The following RAMP1 variants were observed in gnomAD, a reference collection of about 807,000 sequenced individuals.
The protein encoded by RAMP1 is receptor activity modifying protein 1.
Under a neutral mutation model 8.2 loss-of-function variants are expected in RAMP1, and 7 were observed. The observed-to-expected ratio is 0.85, with a 90% CI of 0.49 to 1.60. The LOEUF is 1.60. Ranked by LOEUF, RAMP1 falls within the 40% of genes most tolerant of loss-of-function variation. The pLI, the probability that RAMP1 is intolerant of heterozygous loss-of-function variation, is 0.00. For synonymous variants in RAMP1, 92 were observed against 84.7 expected, an observed-to-expected ratio of 1.09 and a Z score of -0.47; for missense variants, 192 against 202.4, an observed-to-expected ratio of 0.95 and a Z score of 0.31.
At chr2:237,888,700 A>G (rs2062459879) in intron 2 of RAMP1, among the ~76,000 whole-genome samples, 1 of 152,090 alleles carries the variant, frequency 6.6e-6, no homozygotes, top group Non-Finnish European at 1.5e-5. Context: ...TCACAGCAAA[A>G]TTGAGAGGAA....
intron 2 of RAMP1, among the ~76,000 whole-genome samples, chr2:237,893,377 T>C (rs1170663192): frequency 1.3e-5 from 2 of 152,218 alleles, no homozygotes; most frequent in Admixed American, 1.3e-4. Context: ...TGCAGAAGCT[T>C]TGGTGTGCAG....
At chr2:237,886,281 G>A (rs143461580) in intron 2 of RAMP1, among the ~76,000 whole-genome samples, 28 of 152,314 alleles carry the variant, frequency 1.8e-4, no homozygotes, top group East Asian at 5.8e-4. Flanking sequence ...TGCAGGGAGC[G>A]CCTTCTGCTG....
At position 237,878,443 on chromosome 2, in the gene RAMP1, C is replaced by T. The variant is rs1313994382; in HGVS notation, c.191+1081C>T. 1.3e-5 allele frequency among the ~76,000 whole-genome samples: 2 copies of T among 152,244 alleles called. No individual in the cohort carries two copies. The highest frequency in any genetic ancestry group is 6.5e-5 in the Admixed American group (1 of 15,290). On this transcript the variant is annotated intron_variant, in intron 2 of 2. Coordinates refer to ENST00000254661, the MANE Select transcript of RAMP1 (RefSeq NM_005855.4). The surrounding 1 kb of genome is among the most constrained non-coding windows in gnomAD (Gnocchi z 5.7). ...GGGGTTGAAGACCCCTAGTTGGACTCGTCACCCCTCCCCTGTGGGTTGCAG... is the reference window on the plus strand; with the variant it reads ...GGGGTTGAAGACCCCTAGTTGGACTTGTCACCCCTCCCCTGTGGGTTGCAG...
At chr2:237,907,593 G>C (rs1366420891) in intron 2 of RAMP1, among the ~76,000 whole-genome samples, 3 of 152,000 alleles carry the variant, frequency 2.0e-5, no homozygotes, top group Non-Finnish European at 4.4e-5. Context: ...CGTGTCTGCT[G>C]ATGGGCCCAT....
Position 237,877,895 on chromosome 2 carries a change from A to C in RAMP1, c.191+533A>C. 3 of 935,430 alleles carry C rather than the reference A, an allele frequency of 3.2e-6. No individual in the cohort carries two copies. The highest frequency in any genetic ancestry group is 3.8e-6 in the Non-Finnish European group (3 of 784,482). 57.9% of individuals were successfully genotyped at this position (935,430 alleles called of 1,614,324 possible). A position where few individuals can be genotyped will look rare whatever the true frequency, so the allele number is the denominator to read the frequency against. On this transcript the variant is annotated intron_variant, in intron 2 of 2. Transcript: ENST00000254661. This position sits in a 1 kb window ranked among gnomAD's most constrained non-coding sequence, Gnocchi z 4.4. ...CCCACCTGGCCCGATCCTCCTGCCCAAGGGCCCTTCTTCCCGCTTGAGGGG... is the reference window on the plus strand; with the variant it reads ...CCCACCTGGCCCGATCCTCCTGCCCCAGGGCCCTTCTTCCCGCTTGAGGGG...
At chr2:237,888,736 T>C (rs1224580492) in intron 2 of RAMP1, among the ~76,000 whole-genome samples, 3 of 152,172 alleles carry the variant, frequency 2.0e-5, no homozygotes, top group Non-Finnish European at 2.9e-5. Flanking sequence ...CATATGCCCA[T>C]TGGAGGTATT....
At chr2:237,900,830 A>G (rs2062589867) in intron 2 of RAMP1, among the ~76,000 whole-genome samples, 1 of 151,944 alleles carries the variant, frequency 6.6e-6, no homozygotes, top group Non-Finnish European at 1.5e-5. Context: ...TTGACTTATG[A>G]TTTATACTCT....
At position 237,911,788 on chromosome 2, in the gene RAMP1, G is replaced by GGCCCAGGCTGCCCGCGGGTGC; in HGVS notation, c.*6_*26dup. 1 of 1,594,702 alleles carries GGCCCAGGCTGCCCGCGGGTGC rather than the reference G, an allele frequency of 6.3e-7. No homozygotes were observed. The highest frequency in any genetic ancestry group is 8.6e-7 in the Non-Finnish European group (1 of 1,169,528). On this transcript the variant is annotated 3_prime_UTR_variant, in exon 3 of 3. Coordinates refer to ENST00000254661, the MANE Select transcript of RAMP1 (RefSeq NM_005855.4). ...CGCACTGAGGGCATTGTGTAGGCGG[G>GGCCCAGGCTGCCCGCGGGTGC]GCCCAGGCTGCCCGCGGGTGCACCC...
chr2:237,906,736 T>TA (rs2062654929), intron 2 of RAMP1, among the ~76,000 whole-genome samples: 1 of 147,998 alleles, frequency 6.8e-6, no homozygotes, highest in Admixed American at 6.7e-5. Context: ...TTTTTTTTTT[T>TA]TTTTTAAAGA....
intron 2 of RAMP1, among the ~76,000 whole-genome samples, chr2:237,891,888 T>C (rs1273080843): frequency 6.6e-6 from 1 of 152,216 alleles, no homozygotes; most frequent in East Asian, 1.9e-4. Flanking sequence ...GCTCTGTCTT[T>C]ATGGCATTTA....
chr2:237,908,696 A>G (rs568049008), intron 2 of RAMP1, among the ~76,000 whole-genome samples: 1 of 152,200 alleles, frequency 6.6e-6, no homozygotes, highest in African/African-American at 2.4e-5. Flanking sequence ...TCAGCCTCCC[A>G]AAGTGCTGGG....
chr2:237,883,836 GAAAAGA>G (rs2062398979), intron 2 of RAMP1, among the ~76,000 whole-genome samples: 1 of 94,002 alleles, frequency 1.1e-5, no homozygotes, highest in African/African-American at 4.0e-5. Flanking sequence ...AAAAAGAAAA[GAAAAGA>G]AAAAAAAAAA....
intron 2 of RAMP1, among the ~76,000 whole-genome samples, chr2:237,894,267 G>A (rs1022777276): frequency 5.3e-5 from 8 of 152,066 alleles, no homozygotes; most frequent in Non-Finnish European, 7.4e-5. Context: ...CACTTCACCC[G>A]GCCTAAAGTA....
chr2:237,864,298 T>C (rs1301144348), intron 1 of RAMP1, among the ~76,000 whole-genome samples: 1 of 150,480 alleles, frequency 6.6e-6, no homozygotes, highest in Non-Finnish European at 1.5e-5. Context: ...GAAAAGTCAG[T>C]GATTTGCCCA....
chr2:237,861,893 C>G (rs2062136190), intron 1 of RAMP1, among the ~76,000 whole-genome samples: 1 of 152,114 alleles, frequency 6.6e-6, no homozygotes, highest in Non-Finnish European at 1.5e-5. Flanking sequence ...GTTCTTTTCC[C>G]TCTGAGCATC....
intron 1 of RAMP1, among the ~76,000 whole-genome samples, chr2:237,871,636 T>C (rs1302812047): frequency 6.6e-6 from 1 of 152,134 alleles, no homozygotes; most frequent in Non-Finnish European, 1.5e-5. Context: ...ACTTCTACCC[T>C]CTGGGACAGT....
intron 2 of RAMP1, among the ~76,000 whole-genome samples, chr2:237,885,721 G>T (rs2062421854): frequency 6.6e-6 from 1 of 152,198 alleles, no homozygotes; most frequent in Non-Finnish European, 1.5e-5. Flanking sequence ...CTCCTGCCGT[G>T]CCCCTCTCTG....
chr2:237,907,785 CTCTGAG>C (rs1196614129), intron 2 of RAMP1, among the ~76,000 whole-genome samples: 1 of 152,230 alleles, frequency 6.6e-6, no homozygotes, highest in African/African-American at 2.4e-5. Context: ...TCTAGGTCGT[CTCTGAG>C]TCTAACTCCA....
Position 237,911,698 on chromosome 2 carries a change from C to CCTT in RAMP1, c.364_366dup (p.Phe122dup), listed in dbSNP as rs763950703. The CCTT allele has an allele frequency of 2.9e-5, 46 of 1,613,886 alleles. No individual in the cohort carries two copies. Among genetic ancestry groups the CCTT allele is most frequent in the Admixed American group, 3.3e-5 (2 of 60,008 alleles). ...GACCCGCCCGGCAGCATCCTCTACCCCTTCATCGTGGTCCCCATCACGGTG... is the reference window on the plus strand; with the variant it reads ...GACCCGCCCGGCAGCATCCTCTACCCCTTCTTCATCGTGGTCCCCATCACGGTG... On this transcript the variant is annotated inframe_insertion, in exon 3 of 3. Transcript: ENST00000254661.
Sources: allele counts gnomAD v4.1 joint callset (sites outside exome capture counted in the v4.1 genomes callset), GRCh38; gene constraint gnomAD v4.1.1; non-coding constraint Gnocchi (gnomAD v3.1); transcripts MANE v1.5; gene names NCBI Gene and HGNC (gene_info 2026-07-23, HGNC 2026-07-21).